TBCK: variants seen among roughly 807,000 people sequenced by gnomAD.
The protein encoded by TBCK is TBC1 domain containing kinase.
TBCK carries 99 observed loss-of-function variants against 113.4 expected under a neutral mutation model. That is an observed-to-expected ratio of 0.87 (90% confidence interval 0.74 to 1.03). The LOEUF (loss-of-function observed/expected upper bound fraction) is 1.03, where lower values mean the gene tolerates loss of function less well. TBCK is among the 50% of genes least tolerant of loss of function. The pLI, the probability that TBCK is intolerant of heterozygous loss-of-function variation, is 0.00. For synonymous variants in TBCK, 369 were observed against 370.8 expected (o/e 1.00, Z 0.05); for missense variants, 1,045 against 1,061.3 (o/e 0.98, Z 0.21).
intron 24 of TBCK, among the ~76,000 whole-genome samples, chr4:106,104,691 C>T (rs1741938119): frequency 6.6e-6 from 1 of 152,276 alleles, no homozygotes; most frequent in Non-Finnish European, 1.5e-5. Context: ...TTCCTCCTCA[C>T]TGGGCAGGAC....
In TBCK at chr4:106,220,312, TCTC is replaced by T. The variant is rs548110553; in HGVS notation, c.1775-7480_1775-7478del. 5.9e-5 allele frequency among the ~76,000 whole-genome samples: 9 copies of T among 152,250 alleles called. No homozygotes were observed. In the South Asian group the frequency reaches 1.7e-3, roughly 28 times the overall value. On this transcript the variant is annotated intron_variant, in intron 19 of 25. Transcript: ENST00000394708. ...TTCTGCTTTTGCTTCTTCCTCATCT[TCTC>T]CTGCCGCTGCCATGTAAGAAGTGCC...
intron 5 of TBCK, among the ~76,000 whole-genome samples, chr4:106,258,420 C>A (rs1762203634): frequency 6.6e-6 from 1 of 152,020 alleles, no homozygotes; most frequent in Non-Finnish European, 1.5e-5. Flanking sequence ...TATTTTCTTT[C>A]ATGCCTTAGC....
intron 23 of TBCK, among the ~76,000 whole-genome samples, chr4:106,119,672 A>T (rs1275084386): frequency 6.6e-6 from 1 of 152,210 alleles, no homozygotes; most frequent in Non-Finnish European, 1.5e-5. Context: ...GAATTACAAC[A>T]TTCTAAAAAG....
chr4:106,095,636 A>T lies in TBCK; in HGVS notation c.2417T>A (p.Ile806Asn). ...VVDIRNSEDF[I>N]RGHISGSINI... Reference sequence around the variant, plus strand: ...GATGCTTCCTGAAATGTGACCACGAATAAAGCTGAGAAGGAAAGTTTAAGG... The same window carrying T: ...GATGCTTCCTGAAATGTGACCACGATTAAAGCTGAGAAGGAAAGTTTAAGG... The change falls in exon 25 of 26, where the codon ATT (isoleucine) becomes AAT (asparagine). Residue 806 changes from isoleucine (I) to asparagine (N), a missense_variant. Transcript: ENST00000394708. 6.2e-7 allele frequency: 1 copy of T among 1,612,550 alleles called. No individual in the cohort carries two copies. The highest frequency in any genetic ancestry group is 8.5e-7 in the Non-Finnish European group (1 of 1,179,368).
intron 17 of TBCK, among the ~76,000 whole-genome samples, chr4:106,232,683 C>A (rs1054099412): frequency 6.6e-6 from 1 of 151,890 alleles, no homozygotes; most frequent in Non-Finnish European, 1.5e-5. Flanking sequence ...ACAAAGATCA[C>A]AACAGCTCCA....
chr4:106,150,253 G>A (rs911946292), intron 23 of TBCK, among the ~76,000 whole-genome samples: 3 of 152,088 alleles, frequency 2.0e-5, no homozygotes, highest in African/African-American at 4.8e-5. Flanking sequence ...AAGTAGACTA[G>A]TATAAAAATA....
intron 22 of TBCK, among the ~76,000 whole-genome samples, chr4:106,184,279 T>C (rs1333759669): frequency 2.0e-5 from 3 of 152,066 alleles, no homozygotes; most frequent in Non-Finnish European, 4.4e-5. Context: ...CCCACCTTGA[T>C]TAAAATATAA....
intron 25 of TBCK, among the ~76,000 whole-genome samples, chr4:106,089,450 C>G (rs1430428212): frequency 6.6e-6 from 1 of 152,096 alleles, no homozygotes; most frequent in African/African-American, 2.4e-5. Context: ...GCCTCTGATC[C>G]CCTAAGTCTT....
intron 25 of TBCK, among the ~76,000 whole-genome samples, chr4:106,073,428 C>A (rs1317444955): frequency 6.6e-6 from 1 of 152,178 alleles, no homozygotes; most frequent in East Asian, 1.9e-4. Flanking sequence ...CCAGCGGAGG[C>A]TGAAGAACAG....
chr4:106,205,012 G>A (rs550702288), intron 20 of TBCK, among the ~76,000 whole-genome samples: 150 of 151,730 alleles, frequency 9.9e-4, no homozygotes, highest in Middle Eastern at 3.4e-3. Flanking sequence ...TGATCCACCC[G>A]CCTCGGCCTC....
chr4:106,281,683 TG>T (rs1423684531), intron 3 of TBCK, among the ~76,000 whole-genome samples: 1 of 152,166 alleles, frequency 6.6e-6, no homozygotes, highest in Non-Finnish European at 1.5e-5. Flanking sequence ...ATATGGTTTT[TG>T]TCCTTCATTC....
chr4:106,246,191 T>A (rs1343273191), intron 10 of TBCK, among the ~76,000 whole-genome samples: 1 of 152,162 alleles, frequency 6.6e-6, no homozygotes, highest in Non-Finnish European at 1.5e-5. Context: ...ATATTGACCT[T>A]CATTTATAAC....
intron 23 of TBCK, among the ~76,000 whole-genome samples, chr4:106,161,327 C>A (rs1279062618): frequency 6.6e-6 from 1 of 152,008 alleles, no homozygotes; most frequent in South Asian, 2.1e-4. Context: ...ATTAGAGCAA[C>A]CAGTATTAGA....
intron 20 of TBCK, among the ~76,000 whole-genome samples, chr4:106,205,587 CAAAAAAAAAAAAAAAA>C (rs70941240): frequency 3.1e-5 from 2 of 64,200 alleles, no homozygotes; most frequent in Non-Finnish European, 5.7e-5. Context: ...ACTAAAAATA[CAAAAAAAAAAAAAAAA>C]AAAAAAAAAA....
chr4:106,123,006 G>C (rs1277922122), intron 23 of TBCK, among the ~76,000 whole-genome samples: 1 of 152,178 alleles, frequency 6.6e-6, no homozygotes, highest in Non-Finnish European at 1.5e-5. Flanking sequence ...ATTCAACATA[G>C]TGTTGGAAGT....
At chr4:106,167,726 T>C (rs1334702397) in intron 23 of TBCK, among the ~76,000 whole-genome samples, 2 of 151,800 alleles carry the variant, frequency 1.3e-5, no homozygotes, top group East Asian at 3.9e-4. Context: ...AAAGGAATAC[T>C]ATGAACCATT....
rs1281465651 is a variant in TBCK, at chr4:106,135,771, TA to T, written c.2236-19394del. Among the ~76,000 whole-genome samples, 3 of 141,696 alleles carry T rather than the reference TA, an allele frequency of 2.1e-5. 1 individual carries two copies. In the East Asian group the frequency reaches 6.1e-4, roughly 29 times the overall value. 93.0% of individuals were successfully genotyped at this position (141,696 alleles called of 152,430 possible). ...CAAAGATACTTGTTCTTATAAAAGTTAAAGTCAATGGGTGTAAAAATGACAA... is the reference window on the plus strand; with the variant it reads ...CAAAGATACTTGTTCTTATAAAAGTTAAGTCAATGGGTGTAAAAATGACAA... On this transcript the variant is annotated intron_variant, in intron 23 of 25. Coordinates refer to ENST00000394708, the MANE Select transcript of TBCK (RefSeq NM_001163435.3).
intron 18 of TBCK, among the ~76,000 whole-genome samples, chr4:106,231,183 T>G (rs955114577): frequency 2.0e-5 from 3 of 151,412 alleles, no homozygotes; most frequent in Non-Finnish European, 3.0e-5. Flanking sequence ...TAGTATTTAT[T>G]GAAAAGCCTA....
At chr4:106,173,445 G>C (rs944013502) in intron 22 of TBCK, among the ~76,000 whole-genome samples, 1 of 152,140 alleles carries the variant, frequency 6.6e-6, no homozygotes, top group African/African-American at 2.4e-5. Flanking sequence ...CCAAAGGAAA[G>C]GGTTTCAGTC....
Sources: gnomAD v4.1 joint callset for allele counts (sites outside exome capture counted in the v4.1 genomes callset) on GRCh38, gnomAD v4.1.1 for gene constraint, MANE v1.5 for transcripts, NCBI Gene and HGNC (gene_info 2026-07-23, HGNC 2026-07-21) for gene names.